The following DCC variants were observed in gnomAD, a reference collection of about 807,000 sequenced individuals.
DCC encodes netrin receptor DCC.
DCC carries 58 observed loss-of-function variants against 172.5 expected under a neutral mutation model. The ratio of observed to expected loss-of-function variants is 0.34; its 90% CI spans 0.27 to 0.42. The LOEUF (loss-of-function observed/expected upper bound fraction) is 0.42, where lower values mean the gene tolerates loss of function less well. Ranked by LOEUF, DCC falls within the 10% of genes least tolerant of loss-of-function variation. DCC has a pLI of 1.00. For missense variants in DCC, 1,740 were observed against 1,791.0 expected, an observed-to-expected ratio of 0.97 and a Z score of 0.51; for synonymous variants, 709 against 644.5, an observed-to-expected ratio of 1.10 and a Z score of -1.52.
At chr18:52,926,323 G>A (rs1451977373) in intron 5 of DCC, among the ~76,000 whole-genome samples, 2 of 151,820 alleles carry the variant, frequency 1.3e-5, no homozygotes, top group African/African-American at 2.4e-5. Flanking sequence ...TGTGGACATG[G>A]TAATAATGTA....
intron 1 of DCC, among the ~76,000 whole-genome samples, chr18:52,561,565 G>A (rs1168328141): frequency 6.6e-6 from 1 of 152,004 alleles, no homozygotes; most frequent in African/African-American, 2.4e-5. Context: ...TTATGAGTGT[G>A]CTCGAAAAAG....
intron 1 of DCC, among the ~76,000 whole-genome samples, chr18:52,489,230 C>T (rs1195435628): frequency 6.6e-6 from 1 of 152,022 alleles, no homozygotes; most frequent in Non-Finnish European, 1.5e-5. Flanking sequence ...CCAGGAAGCT[C>T]TCCGTAGTCA....
chr18:52,993,581 T>C (rs2041429589), intron 5 of DCC, among the ~76,000 whole-genome samples: 1 of 152,098 alleles, frequency 6.6e-6, no homozygotes, highest in African/African-American at 2.4e-5. Flanking sequence ...AAATTTGGGA[T>C]AGAAAAGGGT....
At chr18:52,832,166 T>C (rs943728262) in intron 2 of DCC, among the ~76,000 whole-genome samples, 11 of 152,134 alleles carry the variant, frequency 7.2e-5, no homozygotes, top group Admixed American at 5.9e-4. Flanking sequence ...TTCCTTTACA[T>C]GATGGCACCA....
At chr18:52,904,407 T>C (rs2039851138) in intron 2 of DCC, among the ~76,000 whole-genome samples, 1 of 152,210 alleles carries the variant, frequency 6.6e-6, no homozygotes, top group South Asian at 2.1e-4. Context: ...ACGTAAAATT[T>C]CACCTTCACT....
chr18:53,115,400 GGTGTGT>G (rs146534238), intron 7 of DCC, among the ~76,000 whole-genome samples: 1 of 150,858 alleles, frequency 6.6e-6, no homozygotes, highest in African/African-American at 2.4e-5. Flanking sequence ...TTAAAGTTGG[GGTGTGT>G]GTGTGTGTGG....
In DCC at chr18:52,444,523, G is replaced by T. The variant is rs142866230; in HGVS notation, c.91+103645G>T. On this transcript the variant is annotated intron_variant, in intron 1 of 28. Transcript: ENST00000442544. Reference sequence around the variant, plus strand: ...ACTGAGCTAGAAGGTCGAGACAAAAGCACACAAGAATCTCTTTTTTTCAAT... The same window carrying T: ...ACTGAGCTAGAAGGTCGAGACAAAATCACACAAGAATCTCTTTTTTTCAAT... Among the ~76,000 whole-genome samples, 51 of 152,214 alleles carry T rather than the reference G, an allele frequency of 3.4e-4. No individual in the cohort carries two copies. In the East Asian group the frequency reaches 9.8e-3, roughly 29 times the overall value.
intron 7 of DCC, among the ~76,000 whole-genome samples, chr18:53,119,980 CT>C (rs965070989): frequency 1.3e-5 from 2 of 151,764 alleles, no homozygotes; most frequent in African/African-American, 4.8e-5. Flanking sequence ...GATAATTCAA[CT>C]TTGTCCTAGA....
At chr18:52,993,954 A>G (rs2041437831) in intron 5 of DCC, among the ~76,000 whole-genome samples, 1 of 152,048 alleles carries the variant, frequency 6.6e-6, no homozygotes, top group Non-Finnish European at 1.5e-5. Context: ...TTTGCCTTGA[A>G]TGATCAGGCA....
intron 5 of DCC, among the ~76,000 whole-genome samples, chr18:52,935,371 A>AG (rs2040367031): frequency 7.8e-6 from 1 of 128,674 alleles, no homozygotes; most frequent in South Asian, 2.9e-4. Flanking sequence ...GACCTATATC[A>AG]ATTTAATAGT....
At chr18:52,907,318 GT>G (rs1318193052) in intron 3 of DCC, among the ~76,000 whole-genome samples, 29 of 45,868 alleles carry the variant, frequency 6.3e-4, no homozygotes, top group Non-Finnish European at 6.3e-5. Context: ...ATATGTATAT[GT>G]ATATATCCAT....
chr18:53,157,964 A>C (rs1041712823), intron 8 of DCC, among the ~76,000 whole-genome samples: 1 of 152,102 alleles, frequency 6.6e-6, no homozygotes, highest in Non-Finnish European at 1.5e-5. Flanking sequence ...AAAATATACA[A>C]TAAAGTGTAT....
chr18:52,842,566 C>A (rs1404611979), intron 2 of DCC, among the ~76,000 whole-genome samples: 1 of 152,200 alleles, frequency 6.6e-6, no homozygotes. Flanking sequence ...TCTGGAAACA[C>A]CCTCATAGAC....
At chr18:53,441,509 T>C (rs760767135) in intron 22 of DCC, among the ~76,000 whole-genome samples, 39 of 152,126 alleles carry the variant, frequency 2.6e-4, no homozygotes, top group Admixed American at 5.9e-4. Context: ...ACTAAACTTT[T>C]GCTCTTCCCT....
chr18:53,021,857 C>T (rs947320728), intron 5 of DCC, among the ~76,000 whole-genome samples: 1 of 152,156 alleles, frequency 6.6e-6, no homozygotes, highest in Non-Finnish European at 1.5e-5. Context: ...GAAAAGCAAG[C>T]AGTTGGTTAA....
chr18:53,155,300 A>G (rs1021810159), intron 7 of DCC, among the ~76,000 whole-genome samples: 7 of 152,204 alleles, frequency 4.6e-5, no homozygotes, highest in African/African-American at 1.7e-4. Flanking sequence ...ATGAAGACTG[A>G]CTTTGATAAA....
At chr18:53,341,921 T>C (rs1408309022) in intron 15 of DCC, among the ~76,000 whole-genome samples, 1 of 152,128 alleles carries the variant, frequency 6.6e-6, no homozygotes, top group Non-Finnish European at 1.5e-5. Context: ...TTTAAAGTTT[T>C]TGGAAGGCAA....
At chr18:53,432,761 T>G (rs754942631) in intron 21 of DCC, among the ~76,000 whole-genome samples, 13 of 146,356 alleles carry the variant, frequency 8.9e-5, no homozygotes, top group East Asian at 6.1e-4. Context: ...TTATTATTAT[T>G]ATGTATTGGC....
chr18:52,802,004 C>CT lies in DCC; in HGVS notation c.412+49643dup, dbSNP rs58379877. Among the ~76,000 whole-genome samples the CT allele has an allele frequency of 7.5e-3, 1,082 of 144,168 alleles. 9 individuals are homozygous for CT. Among genetic ancestry groups the CT allele is most frequent in the African/African-American group, 0.018 (709 of 39,346 alleles). 94.6% of individuals were successfully genotyped at this position (144,168 alleles called of 152,430 possible). On this transcript the variant is annotated intron_variant, in intron 2 of 28. Transcript: ENST00000442544. The stretch of plus-strand genomic sequence containing the variant: ...TTATTTTGCATTGCATTATTCTATT[C>CT]TTTTTTTTTTTTTAACCATTCCCTT...
Sources: allele counts gnomAD v4.1 joint callset (sites outside exome capture counted in the v4.1 genomes callset), GRCh38; gene constraint gnomAD v4.1.1; transcripts MANE v1.5; gene names NCBI Gene and HGNC (gene_info 2026-07-23, HGNC 2026-07-21).